The following ABCC4 variants were observed in gnomAD, a reference collection of about 807,000 sequenced individuals.
The protein encoded by ABCC4 is ATP-binding cassette sub-family C member 4.
A neutral mutation model predicts 168.5 loss-of-function variants in ABCC4; 102 were observed. The ratio of observed to expected loss-of-function variants is 0.61; its 90% CI spans 0.52 to 0.71. The LOEUF (loss-of-function observed/expected upper bound fraction) is 0.71. Among genes scored for constraint, ABCC4 ranks in the 30% least tolerant of loss-of-function variants. The pLI, the probability that ABCC4 is intolerant of heterozygous loss-of-function variation, is 0.00. For synonymous variants in ABCC4, 617 were observed against 590.7 expected, an observed-to-expected ratio of 1.04 and a Z score of -0.65; for missense variants, 1,402 against 1,605.8, an observed-to-expected ratio of 0.87 and a Z score of 2.17.
chr13:95,139,462 T>A (rs997942053), intron 19 of ABCC4, among the ~76,000 whole-genome samples: 1 of 152,126 alleles, frequency 6.6e-6, no homozygotes, highest in Admixed American at 6.5e-5. Flanking sequence ...CAGAGAAGCA[T>A]GAGGGCAAGC....
chr13:95,273,372 A>G (rs1327943311), intron 1 of ABCC4, among the ~76,000 whole-genome samples: 1 of 152,160 alleles, frequency 6.6e-6, no homozygotes, highest in Non-Finnish European at 1.5e-5. Context: ...TGGGGTCCCA[A>G]ATAACACCCT....
At chr13:95,056,447 G>A (rs1400960769) in intron 26 of ABCC4, among the ~76,000 whole-genome samples, 2 of 152,086 alleles carry the variant, frequency 1.3e-5, no homozygotes, top group Admixed American at 6.5e-5. Context: ...CACCAACAAA[G>A]GAAAAAGAAT....
At chr13:95,273,800 G>GT (rs10573889) in intron 1 of ABCC4, among the ~76,000 whole-genome samples, 13,864 of 127,020 alleles carry the variant, frequency 0.11, 1,074 homozygotes, top group African/African-American at 0.21. Context: ...GATCTGATGG[G>GT]TTTTTTTTTT....
chr13:95,072,244 T>G (rs1421726134), intron 24 of ABCC4, among the ~76,000 whole-genome samples: 2 of 152,186 alleles, frequency 1.3e-5, no homozygotes, highest in Non-Finnish European at 2.9e-5. Flanking sequence ...GTGGATCACC[T>G]AAGGTCAGGT....
intron 21 of ABCC4, among the ~76,000 whole-genome samples, chr13:95,080,353 C>G (rs2034050100): frequency 6.6e-6 from 1 of 151,992 alleles, no homozygotes; most frequent in African/African-American, 2.4e-5. Flanking sequence ...GTGACTCTTG[C>G]AAACATAAAA....
chr13:95,152,360 G>C (rs1233450213), intron 19 of ABCC4, among the ~76,000 whole-genome samples: 1 of 152,166 alleles, frequency 6.6e-6, no homozygotes, highest in Non-Finnish European at 1.5e-5. Flanking sequence ...TGCTTAAAGA[G>C]ATGCAAATGC....
chr13:95,240,746 G>A (rs768756935), intron 3 of ABCC4, among the ~76,000 whole-genome samples: 2 of 151,978 alleles, frequency 1.3e-5, no homozygotes, highest in African/African-American at 2.4e-5. Flanking sequence ...CGAGGCAGAC[G>A]AATCACTTGA....
At chr13:95,263,932 G>T (rs60223404) in intron 1 of ABCC4, among the ~76,000 whole-genome samples, 3,364 of 152,186 alleles carry the variant, frequency 0.022, 112 homozygotes, top group East Asian at 0.087. Context: ...TTTGAGAAAT[G>T]GCTGAATCCA....
At chr13:95,270,650 C>T (rs558548433) in intron 1 of ABCC4, among the ~76,000 whole-genome samples, 1 of 152,320 alleles carries the variant, frequency 6.6e-6, no homozygotes, top group South Asian at 2.1e-4. Context: ...AGTAGAGATT[C>T]TGATACTAAG....
chr13:95,141,553 G>C (rs987267296), intron 19 of ABCC4, among the ~76,000 whole-genome samples: 11 of 151,946 alleles, frequency 7.2e-5, no homozygotes, highest in Admixed American at 4.6e-4. Flanking sequence ...ACACAAGGTG[G>C]GGGGTGGGGG....
At chr13:95,220,004 C>A (rs958954202) in intron 4 of ABCC4, among the ~76,000 whole-genome samples, 2 of 149,378 alleles carry the variant, frequency 1.3e-5, no homozygotes, top group Admixed American at 6.8e-5. Context: ...TACAGGCATG[C>A]GCCATCATGC....
intron 10 of ABCC4, 96 bp downstream of exon 10, chr13:95,188,356 GT>G (rs1397177441): frequency 1.8e-6 from 2 of 1,103,704 alleles, no homozygotes; most frequent in Non-Finnish European, 2.8e-6. Flanking sequence ...AGTGTACCCA[GT>G]TCAAAATTGT....
At chr13:95,117,526 T>C (rs1378771044) in intron 19 of ABCC4, among the ~76,000 whole-genome samples, 9 of 152,164 alleles carry the variant, frequency 5.9e-5, no homozygotes, top group African/African-American at 9.7e-5. Context: ...TTTTATCAGC[T>C]ATACTTAAGA....
At chr13:95,055,782 C>A in intron 26 of ABCC4, 1 of 152,220 alleles carries the variant, frequency 6.6e-6, no homozygotes. Context: ...ACTCGGGAGG[C>A]TGAGACAGGA....
In ABCC4 at chr13:95,157,332, CAA is replaced by C. The variant is rs61066518; in HGVS notation, c.2455+3855_2455+3856del. Among the ~76,000 whole-genome samples, 17 of 139,896 alleles carry C rather than the reference CAA, an allele frequency of 1.2e-4. 1 individual carries two copies. The highest frequency in any genetic ancestry group is 4.2e-4 in the East Asian group (2 of 4,732). The allele number at this position is 139,896 out of a possible 152,430, so 91.8% of individuals were successfully genotyped here. ...TAAAACCCTGTCTCTACTAAAAATA[CAA>C]AAAAAAAAAAAATTAGCCGGATGTG... On this transcript the variant is annotated intron_variant, in intron 19 of 30. Transcript: ENST00000645237.
At chr13:95,227,322 T>C (rs1269488159) in intron 4 of ABCC4, among the ~76,000 whole-genome samples, 1 of 152,218 alleles carries the variant, frequency 6.6e-6, no homozygotes, top group Non-Finnish European at 1.5e-5. Flanking sequence ...GACTGACAAA[T>C]TGTCCCTTGA....
At chr13:95,111,263 CTGTT>C (rs1481737714) in intron 20 of ABCC4, among the ~76,000 whole-genome samples, 1 of 152,152 alleles carries the variant, frequency 6.6e-6, no homozygotes, top group African/African-American at 2.4e-5. Flanking sequence ...ATGTTCAAAG[CTGTT>C]ACAAGTTTTG....
chr13:95,296,733 G>T (rs2041545167), intron 1 of ABCC4, among the ~76,000 whole-genome samples: 1 of 152,166 alleles, frequency 6.6e-6, no homozygotes, highest in Non-Finnish European at 1.5e-5. Flanking sequence ...CAAAGTGCCT[G>T]CCGGGCACCA....
At chr13:95,141,290 A>C (rs150604250) in intron 19 of ABCC4, among the ~76,000 whole-genome samples, 139 of 152,338 alleles carry the variant, frequency 9.1e-4, no homozygotes, top group African/African-American at 3.2e-3. Flanking sequence ...TCAAAACGTT[A>C]AATGTTCTTA....
Sources: allele counts gnomAD v4.1 joint callset (sites outside exome capture counted in the v4.1 genomes callset), GRCh38; gene constraint gnomAD v4.1.1; transcripts MANE v1.5; gene names NCBI Gene and HGNC (gene_info 2026-07-23, HGNC 2026-07-21).